The following VPS13B variants were observed in gnomAD, a reference collection of about 807,000 sequenced individuals.
VPS13B encodes intermembrane lipid transfer protein VPS13B.
Under a neutral mutation model 426.4 loss-of-function variants are expected in VPS13B, and 285 were observed. That is an observed-to-expected ratio of 0.67 (90% CI 0.61 to 0.74). The LOEUF (loss-of-function observed/expected upper bound fraction) is 0.74. Among genes scored for constraint, VPS13B ranks in the 30% least tolerant of loss-of-function variants. The pLI is 0.00. For missense variants in VPS13B, 4,537 were observed against 4,782.6 expected, an observed-to-expected ratio of 0.95 and a Z score of 1.51; for synonymous variants, 1,676 against 1,676.4, an observed-to-expected ratio of 1.00 and a Z score of 0.01.
At chr8:99,415,851 A>G (rs560838931) in intron 21 of VPS13B, among the ~76,000 whole-genome samples, 1 of 152,102 alleles carries the variant, frequency 6.6e-6, no homozygotes, top group South Asian at 2.1e-4. Flanking sequence ...GTGTCTGTCG[A>G]CCCTTGCTAG....
rs1333048061 is a variant in VPS13B at position 99,338,174 on chromosome 8, A to G, written c.2825-46034A>G. 3.9e-5 allele frequency among the ~76,000 whole-genome samples: 6 copies of G among 152,192 alleles called. No homozygotes were observed. In the East Asian group the frequency reaches 7.7e-4, roughly 20 times the overall value. ...ATTTAAAAAGATTATATAAAGTACTATGTGTTTTTTGTTTTCTTTCTATAT... is the reference window on the plus strand; with the variant it reads ...ATTTAAAAAGATTATATAAAGTACTGTGTGTTTTTTGTTTTCTTTCTATAT... On this transcript the variant is annotated intron_variant, in intron 19 of 61. Coordinates refer to ENST00000357162, the MANE Select transcript of VPS13B (RefSeq NM_152564.5).
chr8:99,808,661 A>G (rs1214135864), intron 43 of VPS13B, among the ~76,000 whole-genome samples: 2 of 152,048 alleles, frequency 1.3e-5, no homozygotes, highest in Non-Finnish European at 2.9e-5. Flanking sequence ...AGCTGCAGTT[A>G]GTGGGTAAGA....
At chr8:99,755,130 G>A (rs548542581) in intron 39 of VPS13B, among the ~76,000 whole-genome samples, 8 of 152,230 alleles carry the variant, frequency 5.3e-5, no homozygotes, top group Non-Finnish European at 1.2e-4. Context: ...CCAGGGATGT[G>A]TGCCTGCTCA....
intron 33 of VPS13B, among the ~76,000 whole-genome samples, chr8:99,632,330 T>C (rs144631882): frequency 1.3e-5 from 2 of 152,064 alleles, no homozygotes; most frequent in African/African-American, 4.8e-5. Context: ...TGTCTTCTTT[T>C]TAACCTTTAA....
chr8:99,629,760 G>A (rs1344562704), intron 33 of VPS13B, among the ~76,000 whole-genome samples: 1 of 152,086 alleles, frequency 6.6e-6, no homozygotes. Context: ...AGATTCTGAG[G>A]TGGAGTAATC....
chr8:99,391,168 A>AT (rs1356844070), intron 20 of VPS13B, among the ~76,000 whole-genome samples: 1 of 152,100 alleles, frequency 6.6e-6, no homozygotes, highest in Non-Finnish European at 1.5e-5. Flanking sequence ...ATACTTTTCC[A>AT]TTTTTTGAAA....
At chr8:99,769,255 T>A (rs1811369934) in intron 40 of VPS13B, among the ~76,000 whole-genome samples, 1 of 152,214 alleles carries the variant, frequency 6.6e-6, no homozygotes. Flanking sequence ...TAGAAGTTGA[T>A]ATTAATGAAA....
At chr8:99,042,607 C>T (rs911700357) in intron 3 of VPS13B, among the ~76,000 whole-genome samples, 5 of 152,130 alleles carry the variant, frequency 3.3e-5, no homozygotes, top group African/African-American at 1.2e-4. Context: ...GCACGGATTC[C>T]TTTCTTAAAC....
chr8:99,587,605 G>A (rs1588522592), intron 33 of VPS13B, among the ~76,000 whole-genome samples: 1 of 151,814 alleles, frequency 6.6e-6, no homozygotes, highest in Middle Eastern at 3.4e-3. Context: ...GTGTCTGTTG[G>A]CTGCATAAAT....
chr8:99,085,528 G>A (rs1845730724), intron 3 of VPS13B, among the ~76,000 whole-genome samples: 2 of 152,052 alleles, frequency 1.3e-5, no homozygotes, highest in Non-Finnish European at 2.9e-5. Context: ...GTTAGTTGAT[G>A]GATTTTCTTC....
chr8:99,171,236 GAGAT>G (rs1812313962), intron 16 of VPS13B, among the ~76,000 whole-genome samples: 1 of 151,738 alleles, frequency 6.6e-6, no homozygotes, highest in African/African-American at 2.4e-5. Context: ...ATGTTATATA[GAGAT>G]AGATTTAACT....
chr8:99,056,230 T>G (rs534417053), intron 3 of VPS13B, among the ~76,000 whole-genome samples: 7 of 152,054 alleles, frequency 4.6e-5, no homozygotes, highest in African/African-American at 7.2e-5. Flanking sequence ...CTAATTTTTT[T>G]TGTGTGTTTT....
chr8:99,065,010 G>C (rs540335778), intron 3 of VPS13B, among the ~76,000 whole-genome samples: 23 of 152,284 alleles, frequency 1.5e-4, no homozygotes, highest in Non-Finnish European at 3.1e-4. Context: ...GCCAAACTAA[G>C]CTTGATAAGT....
intron 19 of VPS13B, among the ~76,000 whole-genome samples, chr8:99,329,982 A>G (rs550649089): frequency 6.6e-6 from 1 of 151,914 alleles, no homozygotes; most frequent in African/African-American, 2.4e-5. Flanking sequence ...GTTTCCAGAC[A>G]GTGCTATATT....
intron 23 of VPS13B, among the ~76,000 whole-genome samples, chr8:99,450,364 T>C (rs992459922): frequency 1.3e-5 from 2 of 152,186 alleles, no homozygotes; most frequent in Non-Finnish European, 1.5e-5. Context: ...TAGTTAAAAT[T>C]TTAATATTAC....
intron 17 of VPS13B, among the ~76,000 whole-genome samples, chr8:99,260,161 A>T (rs1817968403): frequency 6.6e-6 from 1 of 152,116 alleles, no homozygotes; most frequent in Non-Finnish European, 1.5e-5. Context: ...GGTTATAAAG[A>T]AGTTTCCCAG....
chr8:99,401,238 A>T (rs551350319), intron 21 of VPS13B, among the ~76,000 whole-genome samples: 1 of 152,310 alleles, frequency 6.6e-6, no homozygotes, highest in South Asian at 2.1e-4. Context: ...GAGTTATTTC[A>T]ATTTAATGGG....
intron 54 of VPS13B, among the ~76,000 whole-genome samples, chr8:99,836,410 A>G (rs751626165): frequency 1.3e-4 from 20 of 150,502 alleles, no homozygotes; most frequent in Admixed American, 2.7e-4. Context: ...CCACTAAGCA[A>G]TAATTCCCCA....
intron 14 of VPS13B, among the ~76,000 whole-genome samples, chr8:99,154,163 T>TTG (rs1289092406): frequency 1.2e-3 from 182 of 151,898 alleles, no homozygotes; most frequent in African/African-American, 3.6e-3. Flanking sequence ...TTTTTTGTTT[T>TTG]TTTTTTTGGC....
Sources: gnomAD v4.1 joint callset for allele counts (sites outside exome capture counted in the v4.1 genomes callset) on GRCh38, gnomAD v4.1.1 for gene constraint, MANE v1.5 for transcripts, NCBI Gene and HGNC (gene_info 2026-07-23, HGNC 2026-07-21) for gene names.